Variants in ADCY2 observed in about 807,000 individuals in gnomAD.
ADCY2 encodes adenylate cyclase 2, also known as adenylate cyclase type 2.
In ADCY2, 31 loss-of-function variants were observed where a neutral mutation model predicts 125.2. That is an observed-to-expected ratio of 0.25 (90% CI 0.19 to 0.33). The LOEUF (loss-of-function observed/expected upper bound fraction) is 0.33. Ranked by LOEUF, ADCY2 falls within the 10% of genes least tolerant of loss-of-function variation. ADCY2 has a pLI of 1.00. For missense variants in ADCY2, 904 were observed against 1,418.2 expected (o/e 0.64, Z 5.82); for synonymous variants, 512 against 548.4 (o/e 0.93, Z 0.93).
intron 3 of ADCY2, among the ~76,000 whole-genome samples, chr5:7,587,332 G>C (rs1202018937): frequency 6.6e-6 from 1 of 152,204 alleles, no homozygotes; most frequent in Non-Finnish European, 1.5e-5. Flanking sequence ...GCACTAAGCA[G>C]TGTCATGAGT....
At chr5:7,724,635 A>G in intron 13 of ADCY2, 21 bp downstream of exon 13, 1 of 1,506,190 alleles carries the variant, frequency 6.6e-7, no homozygotes, top group Non-Finnish European at 9.1e-7. Context: ...TTCTTCTTCA[A>G]AATCATCAAT....
intron 3 of ADCY2, among the ~76,000 whole-genome samples, chr5:7,550,849 G>C (rs1226863425): frequency 6.6e-6 from 1 of 152,016 alleles, no homozygotes; most frequent in African/African-American, 2.4e-5. Flanking sequence ...CTGCTCCCTG[G>C]GGCCCCTGGA....
chr5:7,574,009 T>C (rs1736161469), intron 3 of ADCY2, among the ~76,000 whole-genome samples: 1 of 118,036 alleles, frequency 8.5e-6, no homozygotes, highest in African/African-American at 3.1e-5. Flanking sequence ...GAATATGCGG[T>C]GTTTGGTTTT....
At chr5:7,462,021 G>T (rs1241589337) in intron 2 of ADCY2, among the ~76,000 whole-genome samples, 1 of 152,180 alleles carries the variant, frequency 6.6e-6, no homozygotes, top group Non-Finnish European at 1.5e-5. Flanking sequence ...TTGATCTGTT[G>T]GTGAGAAGTG....
At chr5:7,414,516 T>G in intron 1 of ADCY2, 57 bp from the exon 2 acceptor site, 1 of 1,386,130 alleles carries the variant, frequency 7.2e-7, no homozygotes, top group Non-Finnish European at 9.8e-7. Flanking sequence ...ACATAAATCA[T>G]TGGTATCACA....
chr5:7,628,089 A>G (rs1738193887), intron 4 of ADCY2, among the ~76,000 whole-genome samples: 1 of 152,186 alleles, frequency 6.6e-6, no homozygotes, highest in Non-Finnish European at 1.5e-5. Context: ...AACGTTTTAC[A>G]TCTGTGTTCT....
chr5:7,623,115 A>G (rs1019779), intron 3 of ADCY2, among the ~76,000 whole-genome samples: 56,737 of 152,028 alleles, frequency 0.37, 11,201 homozygotes, highest in South Asian at 0.54. Context: ...CCCCATTTCT[A>G]TGCCCTGCAG....
intron 11 of ADCY2, among the ~76,000 whole-genome samples, chr5:7,716,320 A>G (rs144066866): frequency 2.4e-4 from 36 of 152,330 alleles, no homozygotes; most frequent in African/African-American, 5.8e-4. Context: ...TTGACCAAGG[A>G]AAACACGAAA....
intron 16 of ADCY2, among the ~76,000 whole-genome samples, chr5:7,763,703 C>G (rs1218807146): frequency 6.6e-6 from 1 of 152,188 alleles, no homozygotes; most frequent in Non-Finnish European, 1.5e-5. Context: ...CTCCTTGCCC[C>G]TGGCATCGTG....
chr5:7,772,708 T>G (rs534352921), intron 17 of ADCY2, among the ~76,000 whole-genome samples: 1 of 151,674 alleles, frequency 6.6e-6, no homozygotes, highest in South Asian at 2.1e-4. Flanking sequence ...TCTTTTTATT[T>G]ATCATGCAAG....
chr5:7,758,960 A>G (rs1167651766), intron 16 of ADCY2, among the ~76,000 whole-genome samples: 1 of 152,158 alleles, frequency 6.6e-6, no homozygotes, highest in Non-Finnish European at 1.5e-5. Flanking sequence ...CACGCGAGAG[A>G]TCGTAAATTC....
chr5:7,406,851 A>T (rs538607248), intron 1 of ADCY2, among the ~76,000 whole-genome samples: 13 of 152,304 alleles, frequency 8.5e-5, no homozygotes, highest in Middle Eastern at 3.4e-3. Flanking sequence ...TTTTCAAGAC[A>T]TGCTTCTTGA....
intron 7 of ADCY2, among the ~76,000 whole-genome samples, chr5:7,699,058 T>C (rs1356861592): frequency 7.7e-6 from 1 of 130,458 alleles, no homozygotes; most frequent in Non-Finnish European, 1.6e-5. Flanking sequence ...TGTTGTTTCC[T>C]GAGTCAGGAA....
intron 2 of ADCY2, among the ~76,000 whole-genome samples, chr5:7,449,316 C>T (rs1367360023): frequency 6.6e-6 from 1 of 152,072 alleles, no homozygotes; most frequent in Non-Finnish European, 1.5e-5. Context: ...AAATGTTGTC[C>T]CCCAAAATAG....
At chr5:7,463,239 T>A (rs1332749701) in intron 2 of ADCY2, among the ~76,000 whole-genome samples, 2 of 152,316 alleles carry the variant, frequency 1.3e-5, no homozygotes, top group East Asian at 3.9e-4. Flanking sequence ...TAACGTCTTT[T>A]AAAATCTTCA....
chr5:7,803,420 T>A, intron 21 of ADCY2, among the ~76,000 whole-genome samples: 1 of 152,226 alleles, frequency 6.6e-6, no homozygotes, highest in East Asian at 1.9e-4. Context: ...TCAGCGCCAT[T>A]TGAGCCCTGC....
At chr5:7,682,957 T>C (rs1740390260) in intron 4 of ADCY2, among the ~76,000 whole-genome samples, 1 of 152,214 alleles carries the variant, frequency 6.6e-6, no homozygotes, top group African/African-American at 2.4e-5. Flanking sequence ...GGTTTTTATT[T>C]TGGAGGAAGA....
At chr5:7,463,070 T>C (rs563371095) in intron 2 of ADCY2, among the ~76,000 whole-genome samples, 41 of 152,238 alleles carry the variant, frequency 2.7e-4, no homozygotes, top group Non-Finnish European at 5.1e-4. Context: ...ACTTTTCCCT[T>C]TGAATTGGCT....
chr5:7,515,067 C>T (rs1234031226), intron 2 of ADCY2, among the ~76,000 whole-genome samples: 1 of 152,246 alleles, frequency 6.6e-6, no homozygotes, highest in Admixed American at 6.5e-5. Flanking sequence ...ATGCTTTCTG[C>T]AGCCTGCCTT....
Sources: gnomAD v4.1 joint callset for allele counts (sites outside exome capture counted in the v4.1 genomes callset) on GRCh38, gnomAD v4.1.1 for gene constraint, MANE v1.5 for transcripts, NCBI Gene and HGNC (gene_info 2026-07-23, HGNC 2026-07-21) for gene names.